The following CCSER1 variants were observed in gnomAD, a reference collection of about 807,000 sequenced individuals.
CCSER1 encodes the protein serine-rich coiled-coil domain-containing protein 1.
A neutral mutation model predicts 82.0 loss-of-function variants in CCSER1; 41 were observed. That is an observed-to-expected ratio of 0.50 (90% CI 0.39 to 0.65). CCSER1 has a LOEUF of 0.65. Among genes scored for constraint, CCSER1 ranks in the 30% least tolerant of loss-of-function variants. The pLI, the probability that CCSER1 is intolerant of heterozygous loss-of-function variation, is 0.00. For synonymous variants in CCSER1, 414 were observed against 383.9 expected (o/e 1.08, Z -0.92); for missense variants, 1,119 against 1,064.2 (o/e 1.05, Z -0.72).
chr4:91,427,798 A>T (rs1308817852), intron 10 of CCSER1, among the ~76,000 whole-genome samples: 1 of 152,106 alleles, frequency 6.6e-6, no homozygotes, highest in African/African-American at 2.4e-5. Context: ...TTACTAAGGG[A>T]ACTTAATTTA....
intron 7 of CCSER1, among the ~76,000 whole-genome samples, chr4:90,743,640 C>G (rs991121709): frequency 2.0e-5 from 3 of 152,184 alleles, no homozygotes; most frequent in African/African-American, 7.2e-5. Context: ...AAGACTTCGG[C>G]AGCCACCTTT....
At position 90,579,141 on chromosome 4, in the gene CCSER1, CAG is replaced by C. The variant is rs202227867; in HGVS notation, c.1725-48882_1725-48881del. On this transcript the variant is annotated intron_variant, in intron 5 of 10. Coordinates refer to ENST00000509176, the MANE Select transcript of CCSER1 (RefSeq NM_001145065.2). Reference sequence around the variant, plus strand: ...TACTTGTTTTTAATATCAGGTCACACAGAAGAATATTTTTTTCGCATGCTATA... The same window carrying C: ...TACTTGTTTTTAATATCAGGTCACACAAGAATATTTTTTTCGCATGCTATA... Among the ~76,000 whole-genome samples, 980 of 152,112 alleles carry C rather than the reference CAG, an allele frequency of 6.4e-3. 16 individuals are homozygous for C. The highest frequency in any genetic ancestry group is 0.022 in the African/African-American group (933 of 41,518).
chr4:91,344,651 A>G (rs1292157446), intron 10 of CCSER1, among the ~76,000 whole-genome samples: 1 of 152,036 alleles, frequency 6.6e-6, no homozygotes. Flanking sequence ...ACAAAGGAAA[A>G]AAAAAAAGGA....
intron 9 of CCSER1, among the ~76,000 whole-genome samples, chr4:90,937,502 CAA>C (rs1491458872): frequency 6.7e-6 from 1 of 149,266 alleles, no homozygotes; most frequent in African/African-American, 2.6e-5. Flanking sequence ...CACACACACA[CAA>C]ACACACACAC....
intron 8 of CCSER1, among the ~76,000 whole-genome samples, chr4:90,893,789 G>T (rs1406874303): frequency 7.7e-6 from 1 of 129,078 alleles, no homozygotes; most frequent in African/African-American, 2.9e-5. Flanking sequence ...GTGTGTGTGT[G>T]TGTGGGGGGT....
At chr4:90,584,269 G>T (rs1439607155) in intron 5 of CCSER1, among the ~76,000 whole-genome samples, 1 of 152,158 alleles carries the variant, frequency 6.6e-6, no homozygotes, top group Non-Finnish European at 1.5e-5. Flanking sequence ...GTCAGACAAA[G>T]ATAAAGTCAG....
chr4:90,595,284 C>A (rs1560779727), intron 5 of CCSER1, among the ~76,000 whole-genome samples: 1 of 151,864 alleles, frequency 6.6e-6, no homozygotes, highest in Non-Finnish European at 1.5e-5. Flanking sequence ...TTGCCTCAAA[C>A]AGTTATTTTA....
intron 10 of CCSER1, among the ~76,000 whole-genome samples, chr4:91,408,886 C>A (rs1216672190): frequency 1.3e-5 from 2 of 152,104 alleles, no homozygotes; most frequent in African/African-American, 4.8e-5. Flanking sequence ...AGTAAACCAA[C>A]CATAGTGTAC....
intron 10 of CCSER1, among the ~76,000 whole-genome samples, chr4:91,139,239 G>A (rs1728789815): frequency 6.6e-6 from 1 of 151,966 alleles, no homozygotes; most frequent in African/African-American, 2.4e-5. Context: ...TGGCTGCATA[G>A]TATTCCAAGG....
chr4:90,136,302 A>C (rs1269345024), intron 1 of CCSER1, among the ~76,000 whole-genome samples: 3 of 152,132 alleles, frequency 2.0e-5, no homozygotes, highest in Admixed American at 1.3e-4. Context: ...GCAGTGAGCT[A>C]TGATCACACC....
intron 1 of CCSER1, among the ~76,000 whole-genome samples, chr4:90,170,070 C>G (rs750971141): frequency 6.6e-6 from 1 of 151,838 alleles, no homozygotes; most frequent in Non-Finnish European, 1.5e-5. Flanking sequence ...ATTGGTTTCT[C>G]TAAAAGTTTC....
chr4:90,900,654 G>C (rs903764336), intron 8 of CCSER1, among the ~76,000 whole-genome samples: 1 of 151,922 alleles, frequency 6.6e-6, no homozygotes, highest in Non-Finnish European at 1.5e-5. Flanking sequence ...TGTGGTCTGA[G>C]AAGTTGCTTG....
chr4:91,408,137 A>G (rs1370748610), intron 10 of CCSER1, among the ~76,000 whole-genome samples: 1 of 152,168 alleles, frequency 6.6e-6, no homozygotes, highest in African/African-American at 2.4e-5. Flanking sequence ...TAAGATAAAG[A>G]GAGATGTTCA....
At chr4:90,199,306 A>C (rs1036491142) in intron 1 of CCSER1, among the ~76,000 whole-genome samples, 12 of 152,206 alleles carry the variant, frequency 7.9e-5, no homozygotes, top group Non-Finnish European at 1.5e-5. Context: ...GAATTGATCT[A>C]CAGGCTATAA....
At chr4:90,758,908 G>A (rs987878482) in intron 7 of CCSER1, among the ~76,000 whole-genome samples, 1 of 152,060 alleles carries the variant, frequency 6.6e-6, no homozygotes, top group South Asian at 2.1e-4. Flanking sequence ...CTGTCTAAGG[G>A]GAGAAGGGAT....
At position 90,170,011 on chromosome 4, in the gene CCSER1, TCCTCTAG is replaced by T. The variant is rs1419164060; in HGVS notation, c.-42+42185_-42+42191del. Among the ~76,000 whole-genome samples the T allele has an allele frequency of 2.6e-4, 40 of 151,944 alleles. 1 individual carries two copies. Among genetic ancestry groups the T allele is most frequent in the African/African-American group, 8.9e-4 (37 of 41,414 alleles). ...TTCTTATGTCACCTAGATAGATAAT[TCCTCTAG>T]CCTCCACTCTGGTTCAGATCTTCTG... is the stretch of plus-strand genomic sequence containing the variant. On this transcript the variant is annotated intron_variant, in intron 1 of 10. Coordinates refer to ENST00000509176, the MANE Select transcript of CCSER1 (RefSeq NM_001145065.2).
intron 3 of CCSER1, among the ~76,000 whole-genome samples, chr4:90,385,886 A>T (rs568751881): frequency 6.6e-6 from 1 of 151,912 alleles, no homozygotes; most frequent in South Asian, 2.1e-4. Context: ...TCTCTATATT[A>T]GTCCTTTTTC....
intron 10 of CCSER1, among the ~76,000 whole-genome samples, chr4:91,097,559 G>A (rs1724631284): frequency 6.6e-6 from 1 of 152,122 alleles, no homozygotes; most frequent in African/African-American, 2.4e-5. Flanking sequence ...TTATAAAACT[G>A]ATTATAAAAA....
chr4:91,258,182 G>C (rs1295726199), intron 10 of CCSER1, among the ~76,000 whole-genome samples: 1 of 151,956 alleles, frequency 6.6e-6, no homozygotes, highest in South Asian at 2.1e-4. Context: ...TGATCATTTC[G>C]AGTCAGCTGA....
Sources: allele counts gnomAD v4.1 joint callset (sites outside exome capture counted in the v4.1 genomes callset), GRCh38; gene constraint gnomAD v4.1.1; transcripts MANE v1.5; gene names NCBI Gene and HGNC (gene_info 2026-07-23, HGNC 2026-07-21).